TGM5: variants seen among roughly 807,000 people sequenced by gnomAD.
TGM5 encodes the protein transglutaminase 5, also known as protein-glutamine gamma-glutamyltransferase 5.
TGM5 carries 69 observed loss-of-function variants against 77.2 expected under a neutral mutation model. That is an observed-to-expected ratio of 0.89 (90% CI 0.74 to 1.09). TGM5 has a LOEUF of 1.09. Among genes scored for constraint, TGM5 ranks in the 50% least tolerant of loss-of-function variants. The pLI is 0.00. For missense variants in TGM5, 842 were observed against 896.5 expected (o/e 0.94, Z 0.78); for synonymous variants, 346 against 351.8 (o/e 0.98, Z 0.18).
intron 9 of TGM5, among the ~76,000 whole-genome samples, chr15:43,236,134 G>A (rs955455677): frequency 6.6e-6 from 1 of 152,114 alleles, no homozygotes; most frequent in Admixed American, 6.5e-5. Flanking sequence ...ACCTGCCCAA[G>A]TCACACAACT....
chr15:43,235,484 G>A lies in TGM5; in HGVS notation c.1699C>T (p.Leu567Phe). Residue 567 changes from leucine to phenylalanine, a missense_variant, in exon 10 of 13, where the codon CTC (leucine) becomes TTC (phenylalanine). Transcript: ENST00000220420. ...ACATGCGTACCTTCTTTAGGAGAGAGTGTGATGAACGCTGTGTCCTGCCAG... is the reference window on the plus strand; with the variant it reads ...ACATGCGTACCTTCTTTAGGAGAGAATGTGATGAACGCTGTGTCCTGCCAG... ...PFWQDTAFIT[L>F]SPKEAKTYPC... 1 of 1,614,158 alleles carries A rather than the reference G, an allele frequency of 6.2e-7. No individual in the cohort carries two copies. Among genetic ancestry groups the A allele is most frequent in the Non-Finnish European group, 8.5e-7 (1 of 1,180,024 alleles).
chr15:43,259,919 G>A, intron 3 of TGM5, 133 bp downstream of exon 3: 2 of 1,256,358 alleles, frequency 1.6e-6, no homozygotes, highest in Admixed American at 1.8e-5. Context: ...TGGTAGTTGG[G>A]GCGGATGCTG....
In TGM5 at chr15:43,247,195, T is replaced by G. The variant is rs1285502007; in HGVS notation, c.862+5564A>C. On this transcript the variant is annotated intron_variant, in intron 6 of 12. Transcript: ENST00000220420. Reference sequence around the variant, plus strand: ...AAAAAAAAAGCAAACCTCCAAAAGCTCAAATTAATCTGCAAGGAATTTGTT... The same window carrying G: ...AAAAAAAAAGCAAACCTCCAAAAGCGCAAATTAATCTGCAAGGAATTTGTT... Among the ~76,000 whole-genome samples, 4 of 144,026 alleles carry G rather than the reference T, an allele frequency of 2.8e-5. No individual in the cohort carries two copies. In the East Asian group the frequency reaches 8.0e-4, roughly 29 times the overall value. The allele number at this position is 144,026 out of a possible 152,430, so 94.5% of individuals were successfully genotyped here.
intron 2 of TGM5, 25 bp from the exon 3 acceptor site, chr15:43,260,322 C>A: frequency 6.2e-7 from 1 of 1,614,108 alleles, no homozygotes; most frequent in Non-Finnish European, 8.5e-7. Context: ...GAGCTGAGGC[C>A]CTCCATGGCG....
intron 6 of TGM5, among the ~76,000 whole-genome samples, chr15:43,243,703 G>A (rs377634609): frequency 1.3e-5 from 2 of 152,104 alleles, no homozygotes; most frequent in East Asian, 3.8e-4. Context: ...TCCCACTTCT[G>A]TGCCCAGGAC....
rs1324725373 is a variant in TGM5 at position 43,238,933 on chromosome 15, C to A, written c.1229G>T (p.Gly410Val). Residue 410 changes from glycine (G) to valine (V), a missense_variant, in exon 9 of 13, where the codon GGA becomes GTA. This residue lies in a region of TGM5 where 815 missense variants were observed against 844.6 expected (regional missense o/e 0.96). Coordinates refer to ENST00000220420, the MANE Select transcript of TGM5 (RefSeq NM_201631.4). Reference protein sequence around the residue: ...NADCMSWLVQGGKEQKLHQDT... With the variant: ...NADCMSWLVQVGKEQKLHQDT... ...CTGGTGAAGCTTCTGCTCCTTCCCT[C>A]CCTGGACGAGCCAGGACATGCAGTC... is the stretch of plus-strand genomic sequence containing the variant. 1 of 1,614,216 alleles carries A rather than the reference C, an allele frequency of 6.2e-7. No homozygotes were observed. The highest frequency in any genetic ancestry group is 1.1e-5 in the South Asian group (1 of 91,088).
rs777878329 is a variant in TGM5 at position 43,233,200 on chromosome 15, A to T, written c.2154T>A (p.Phe718Leu). ...IKGYRNVYVD[F>L]AL ...CGCGTTGTTCCAGAATTTATAATGC[A>T]AAGTCTACATAAACATTCCTGTAAC... The change falls in exon 13 of 13, where the codon TTT (phenylalanine) becomes TTA (leucine). Residue 718 changes from phenylalanine (F) to leucine (L), a missense_variant. Coordinates refer to ENST00000220420, the MANE Select transcript of TGM5 (RefSeq NM_201631.4). 9 of 1,614,158 alleles carry T rather than the reference A, an allele frequency of 5.6e-6. No individual in the cohort carries two copies. Among genetic ancestry groups the T allele is most frequent in the Non-Finnish European group, 7.6e-6 (9 of 1,180,032 alleles).
At chr15:43,233,408 C>A in intron 12 of TGM5, 64 bp from the exon 13 acceptor site, 1 of 1,611,370 alleles carries the variant, frequency 6.2e-7, no homozygotes, top group Non-Finnish European at 8.5e-7. Flanking sequence ...GAGCCCTTTT[C>A]CACCCAGCTT....
intron 9 of TGM5, among the ~76,000 whole-genome samples, chr15:43,238,435 C>G (rs971239719): frequency 2.0e-5 from 3 of 152,230 alleles, no homozygotes; most frequent in African/African-American, 7.2e-5. Context: ...TTCAGCCTGT[C>G]CTCCAAAGAC....
At chr15:43,262,339 T>G (rs2042795332) in intron 1 of TGM5, among the ~76,000 whole-genome samples, 1 of 152,240 alleles carries the variant, frequency 6.6e-6, no homozygotes, top group African/African-American at 2.4e-5. Flanking sequence ...TTAGCTACTT[T>G]TTTGTCTGTC....
At chr15:43,258,194 G>A (rs2042756416) in intron 3 of TGM5, among the ~76,000 whole-genome samples, 2 of 150,964 alleles carry the variant, frequency 1.3e-5, no homozygotes, top group African/African-American at 4.9e-5. Flanking sequence ...AAACCTGCAT[G>A]TTGTGCACAC....
chr15:43,247,154 GTC>G (rs911027560), intron 6 of TGM5, among the ~76,000 whole-genome samples: 1 of 122,416 alleles, frequency 8.2e-6, no homozygotes, highest in African/African-American at 3.3e-5. Context: ...GCGAGACTCT[GTC>G]TCAAAAAAAA....
At position 43,233,649 on chromosome 15, in the gene TGM5, T is replaced by C; in HGVS notation, c.1914A>G (p.Ile638Met). The C allele has an allele frequency of 6.2e-7, 1 of 1,614,126 alleles. No individual in the cohort carries two copies. Among genetic ancestry groups the C allele is most frequent in the Non-Finnish European group, 8.5e-7 (1 of 1,180,008 alleles). Residue 638 changes from isoleucine (I) to methionine (M), a missense_variant, in exon 12 of 13, where the codon ATA (isoleucine) becomes ATG (methionine). Transcript: ENST00000220420. The part of the protein sequence containing the change: ...GAAVVNQPLS[I>M]QVIFSNPLSE... ...AGAGGGGGTTTGAAAATATCACCTGTATGGAGAGTGGCTGGTTCACAACGG... is the reference window on the plus strand; with the variant it reads ...AGAGGGGGTTTGAAAATATCACCTGCATGGAGAGTGGCTGGTTCACAACGG...
At position 43,261,062 on chromosome 15, in the gene TGM5, TTTTTTGTGTGTGTG is replaced by T. The variant is rs2042782932; in HGVS notation, c.11-497_11-484del. On this transcript the variant is annotated intron_variant, in intron 1 of 12. Coordinates refer to ENST00000220420, the MANE Select transcript of TGM5 (RefSeq NM_201631.4). ...ACTCCTTGGGCTAGCTGCTCTTCCT[TTTTTTGTGTGTGTG>T]TTTTTTTTTTTTTTTTTTTTTTTTT... 8.2e-5 allele frequency among the ~76,000 whole-genome samples: 4 copies of T among 48,862 alleles called. 1 individual carries two copies. The highest frequency in any genetic ancestry group is 4.3e-4 in the African/African-American group (4 of 9,360). 32.1% of individuals were successfully genotyped at this position (48,862 alleles called of 152,430 possible). A position where few individuals can be genotyped will look rare whatever the true frequency, so the allele number is the denominator to read the frequency against.
At chr15:43,263,421 G>C (rs1256253824) in intron 1 of TGM5, among the ~76,000 whole-genome samples, 2 of 152,180 alleles carry the variant, frequency 1.3e-5, no homozygotes, top group Non-Finnish European at 2.9e-5. Context: ...TAGAGGAGTG[G>C]CACTTCTTGA....
At chr15:43,258,820 A>G (rs1303590066) in intron 3 of TGM5, among the ~76,000 whole-genome samples, 1 of 152,152 alleles carries the variant, frequency 6.6e-6, no homozygotes, top group Non-Finnish European at 1.5e-5. Flanking sequence ...AGGCCCCATC[A>G]TTAACGCTTT....
In TGM5 at chr15:43,235,747, T is replaced by G. The variant is rs778832614; in HGVS notation, c.1436A>C (p.Gln479Pro). The G allele has an allele frequency of 1.2e-6, 2 of 1,614,154 alleles. No homozygotes were observed. Among genetic ancestry groups the G allele is most frequent in the Non-Finnish European group, 1.7e-6 (2 of 1,180,022 alleles). The change falls in exon 10 of 13, where the codon CAA becomes CCA. Residue 479 changes from glutamine (Q) to proline (P), a missense_variant. Physicochemically the swap from Gln to Pro is moderately conservative, Grantham distance 76. Coordinates refer to ENST00000220420, the MANE Select transcript of TGM5 (RefSeq NM_201631.4). ...FHGSQRGAELQPSRPTSLSQD... is the reference protein window; with the variant it reads ...FHGSQRGAELPPSRPTSLSQD... Reference sequence around the variant, plus strand: ...GCTCAGTGATGTGGGCCTGGAAGGTTGCAACTCTGCTCCTCTTTGGGAGCC... The same window carrying G: ...GCTCAGTGATGTGGGCCTGGAAGGTGGCAACTCTGCTCCTCTTTGGGAGCC...
At position 43,233,570 on chromosome 15, in the gene TGM5, T is replaced by C. The variant is rs773205790; in HGVS notation, c.1993A>G (p.Lys665Glu). 6.2e-7 allele frequency: 1 copy of C among 1,614,052 alleles called. No individual in the cohort carries two copies. The highest frequency in any genetic ancestry group is 1.3e-5 in the African/African-American group (1 of 74,896). Residue 665 changes from lysine to glutamate, a missense_variant, in exon 12 of 13, where the codon AAA (lysine) becomes GAA (glutamate). Lys to Glu is a moderately conservative substitution (Grantham distance 56). This residue lies in a region of TGM5 where 815 missense variants were observed against 844.6 expected (regional missense o/e 0.96). Transcript: ENST00000220420. ...AGCACTTACAAGACTTTCTGCTGTTTCTTGAAGAGGCCACTTCCTTCCACA... is the reference window on the plus strand; with the variant it reads ...AGCACTTACAAGACTTTCTGCTGTTCCTTGAAGAGGCCACTTCCTTCCACA... ...LTVEGSGLFK[K>E]QQKVFLGVLK...
At chr15:43,257,958 C>T (rs999489996) in intron 3 of TGM5, among the ~76,000 whole-genome samples, 2 of 152,142 alleles carry the variant, frequency 1.3e-5, no homozygotes, top group African/African-American at 2.4e-5. Flanking sequence ...AACCATCATT[C>T]TGAGCAAACT....
Sources: allele counts gnomAD v4.1 joint callset (sites outside exome capture counted in the v4.1 genomes callset), GRCh38; gene constraint gnomAD v4.1.1; regional missense constraint gnomAD v4.1.1; transcripts MANE v1.5; gene names NCBI Gene and HGNC (gene_info 2026-07-23, HGNC 2026-07-21).